Variants in ASTN2 observed in about 807,000 individuals in gnomAD.
ASTN2 encodes the protein astrotactin-2.
A neutral mutation model predicts 139.8 loss-of-function variants in ASTN2; 54 were observed. The ratio of observed to expected loss-of-function variants is 0.39; its 90% CI spans 0.31 to 0.48. The LOEUF is 0.48. Ranked by LOEUF, ASTN2 falls within the 20% of genes least tolerant of loss-of-function variation. The pLI is 0.95. For synonymous variants in ASTN2, 756 were observed against 719.5 expected (o/e 1.05, Z -0.81); for missense variants, 1,565 against 1,725.1 (o/e 0.91, Z 1.64).
intron 19 of ASTN2, among the ~76,000 whole-genome samples, chr9:116,586,654 G>A (rs1482023365): frequency 6.6e-6 from 1 of 151,850 alleles, no homozygotes; most frequent in Non-Finnish European, 1.5e-5. Flanking sequence ...GGGGAGGGAG[G>A]GAGAGATCCG....
At chr9:116,913,449 C>T (rs1834367373) in intron 10 of ASTN2, among the ~76,000 whole-genome samples, 1 of 152,170 alleles carries the variant, frequency 6.6e-6, no homozygotes, top group South Asian at 2.1e-4. Flanking sequence ...CACAAGAACT[C>T]CAGGCTCTTT....
chr9:117,065,572 G>T (rs1183665733), intron 5 of ASTN2, among the ~76,000 whole-genome samples: 2 of 152,132 alleles, frequency 1.3e-5, no homozygotes, highest in African/African-American at 4.8e-5. Flanking sequence ...TTTAGAGTTT[G>T]CCTGGAGTGT....
At chr9:116,631,854 G>A (rs1299741074) in intron 17 of ASTN2, among the ~76,000 whole-genome samples, 8 of 152,036 alleles carry the variant, frequency 5.3e-5, no homozygotes, top group East Asian at 1.9e-4. Context: ...GGTGGCTCAC[G>A]CTTGTAATCC....
At chr9:117,312,122 G>C (rs1827992309) in intron 1 of ASTN2, among the ~76,000 whole-genome samples, 1 of 152,164 alleles carries the variant, frequency 6.6e-6, no homozygotes, top group African/African-American at 2.4e-5. Context: ...ACACATATCA[G>C]CTATTACTAA....
chr9:116,945,528 C>T (rs1407187229), intron 10 of ASTN2, among the ~76,000 whole-genome samples: 3 of 152,092 alleles, frequency 2.0e-5, no homozygotes, highest in Non-Finnish European at 2.9e-5. Context: ...ACATTCATTG[C>T]CTTTTAGCAC....
At chr9:117,225,464 C>T in intron 2 of ASTN2, among the ~76,000 whole-genome samples, 1 of 147,434 alleles carries the variant, frequency 6.8e-6, no homozygotes, top group Admixed American at 6.9e-5. Flanking sequence ...CCTGTAATCC[C>T]AGCACTTTGG....
At chr9:116,941,791 T>C (rs1016648316) in intron 10 of ASTN2, among the ~76,000 whole-genome samples, 12 of 152,096 alleles carry the variant, frequency 7.9e-5, no homozygotes, top group African/African-American at 2.9e-4. Context: ...ATCATTGTTT[T>C]TTCATTACAA....
At chr9:116,798,622 A>G (rs900077871) in intron 13 of ASTN2, among the ~76,000 whole-genome samples, 2 of 152,224 alleles carry the variant, frequency 1.3e-5, no homozygotes, top group African/African-American at 4.8e-5. Context: ...TCTTATCGTA[A>G]GATGCATCAT....
At chr9:117,330,614 C>G (rs998610366) in intron 1 of ASTN2, among the ~76,000 whole-genome samples, 7 of 152,104 alleles carry the variant, frequency 4.6e-5, no homozygotes, top group African/African-American at 1.7e-4. Flanking sequence ...CCACCTACCC[C>G]TTCCTCTGTG....
intron 10 of ASTN2, among the ~76,000 whole-genome samples, chr9:116,869,383 G>A (rs562126537): frequency 3.2e-4 from 49 of 152,188 alleles, no homozygotes; most frequent in African/African-American, 9.6e-4. Context: ...GCTCACATTC[G>A]CATGGTAGGA....
At chr9:117,308,080 C>A (rs181240588) in intron 1 of ASTN2, among the ~76,000 whole-genome samples, 2 of 152,238 alleles carry the variant, frequency 1.3e-5, no homozygotes, top group African/African-American at 4.8e-5. Context: ...GAGATACTGA[C>A]ACATGGCAGA....
intron 13 of ASTN2, among the ~76,000 whole-genome samples, chr9:116,791,356 G>A (rs2132223561): frequency 6.6e-6 from 1 of 152,320 alleles, no homozygotes; most frequent in South Asian, 2.1e-4. Context: ...TTTCTTGAGT[G>A]AGATACCAAT....
At chr9:116,702,613 C>CTGACT (rs1041162676) in intron 16 of ASTN2, among the ~76,000 whole-genome samples, 2 of 152,050 alleles carry the variant, frequency 1.3e-5, no homozygotes, top group African/African-American at 4.8e-5. Context: ...AGGTATTTAC[C>CTGACT]TGACTTAATG....
intron 11 of ASTN2, among the ~76,000 whole-genome samples, chr9:116,833,167 T>C (rs1456130323): frequency 6.6e-6 from 1 of 152,100 alleles, no homozygotes; most frequent in African/African-American, 2.4e-5. Context: ...GTCCATTTCA[T>C]CTAATTCATC....
intron 10 of ASTN2, among the ~76,000 whole-genome samples, chr9:116,884,838 C>T (rs1432710268): frequency 1.1e-4 from 11 of 100,342 alleles, no homozygotes; most frequent in East Asian, 4.2e-4. Flanking sequence ...TTTTTTGAGA[C>T]GGAGTCGCAC....
intron 19 of ASTN2, among the ~76,000 whole-genome samples, chr9:116,531,935 C>T (rs1242531059): frequency 1.3e-5 from 2 of 152,216 alleles, no homozygotes; most frequent in African/African-American, 2.4e-5. Flanking sequence ...CTTGAGGAAT[C>T]ACCACACTGT....
chr9:116,894,814 C>A (rs1833844662), intron 10 of ASTN2, among the ~76,000 whole-genome samples: 1 of 152,176 alleles, frequency 6.6e-6, no homozygotes, highest in Non-Finnish European at 1.5e-5. Context: ...CTCATTTAAT[C>A]AGGGGAGGAG....
At chr9:116,564,957 C>T (rs62576083) in intron 19 of ASTN2, among the ~76,000 whole-genome samples, 24,101 of 151,992 alleles carry the variant, frequency 0.16, 2,083 homozygotes, top group African/African-American at 0.21. Flanking sequence ...CTCTAAGCAT[C>T]ATTGTCCAAT....
At chr9:116,802,026 G>C (rs1456254594) in intron 13 of ASTN2, among the ~76,000 whole-genome samples, 3 of 151,774 alleles carry the variant, frequency 2.0e-5, no homozygotes, top group African/African-American at 7.3e-5. Flanking sequence ...AATTGTGTCT[G>C]GGACTGGACA....
Sources: gnomAD v4.1 joint callset for allele counts (sites outside exome capture counted in the v4.1 genomes callset) on GRCh38, gnomAD v4.1.1 for gene constraint, MANE v1.5 for transcripts, NCBI Gene and HGNC (gene_info 2026-07-23, HGNC 2026-07-21) for gene names.